The following LRP8 variants were observed in gnomAD, a reference collection of about 807,000 sequenced individuals.
The protein encoded by LRP8 is low-density lipoprotein receptor-related protein 8.
LRP8 carries 46 observed loss-of-function variants against 111.6 expected under a neutral mutation model. That is an observed-to-expected ratio of 0.41 (90% CI 0.33 to 0.53). LRP8 has a LOEUF of 0.53. Ranked by LOEUF, LRP8 falls within the 20% of genes least tolerant of loss-of-function variation. LRP8 has a pLI of 0.20. For missense variants in LRP8, 959 were observed against 1,297.4 expected (o/e 0.74, Z 4.01); for synonymous variants, 464 against 511.2 (o/e 0.91, Z 1.24).
chr1:53,249,502 T>C lies in LRP8; in HGVS notation c.2731A>G (p.Arg911Gly), dbSNP rs776696675. The change falls in exon 18 of 19, where the codon AGA becomes GGA. Residue 911 changes from arginine (R) to glycine (G), a missense_variant. Physicochemically the swap from Arg to Gly is moderately radical, Grantham distance 125. Coordinates refer to ENST00000306052, the MANE Select transcript of LRP8 (RefSeq NM_004631.5). This position sits in a 1 kb window ranked among gnomAD's most constrained non-coding sequence, Gnocchi z 4.1. ...LWAEPCLGET[R>G]EPEDPAPALK... ...GCAGGGGCTGGGTCTTCCGGTTCTC[T>C]GGTCTCCCCAAGACAGGGCTCTGCC... is the stretch of plus-strand genomic sequence containing the variant. 5.0e-6 allele frequency: 8 copies of C among 1,613,162 alleles called. No individual in the cohort carries two copies. The African/African-American group carries it at 1.1e-4, about 22-fold the overall frequency.
intron 2 of LRP8, among the ~76,000 whole-genome samples, chr1:53,322,463 C>T (rs773604398): frequency 4.2e-4 from 64 of 152,136 alleles, no homozygotes; most frequent in Non-Finnish European, 9.0e-4. Context: ...ACACAAAGGC[C>T]TGGAGGTGAG....
At chr1:53,252,263 C>T (rs1436059400) in intron 16 of LRP8, among the ~76,000 whole-genome samples, 1 of 152,100 alleles carries the variant, frequency 6.6e-6, no homozygotes, top group Non-Finnish European at 1.5e-5. Flanking sequence ...GGCACAGTGG[C>T]TCACATATGT....
chr1:53,280,100 G>A (rs1025148080), intron 4 of LRP8, among the ~76,000 whole-genome samples: 1 of 152,198 alleles, frequency 6.6e-6, no homozygotes, highest in African/African-American at 2.4e-5. Context: ...AGCAACAGTC[G>A]TCCTTGACAC....
chr1:53,327,730 C>G lies in LRP8; in HGVS notation c.124+59G>C, dbSNP rs2100562880. ...ACCCCTCCCCGCTCCGGCCTCCCGG[C>G]CGCGCTTTGTTGGTGGCTAGGGCGG... On this transcript the variant is annotated intron_variant, in intron 1 of 18. Transcript: ENST00000306052. The G allele has an allele frequency of 2.1e-6, 3 of 1,397,332 alleles. 1 individual carries two copies. The South Asian group carries it at 4.2e-5, about 20-fold the overall frequency. 86.6% of individuals were successfully genotyped at this position (1,397,332 alleles called of 1,614,324 possible).
chr1:53,309,924 G>T (rs1186232076), intron 2 of LRP8, among the ~76,000 whole-genome samples: 1 of 152,128 alleles, frequency 6.6e-6, no homozygotes, highest in Non-Finnish European at 1.5e-5. Flanking sequence ...GCAGCAGAAA[G>T]GAAGCCCAGC....
chr1:53,298,484 C>T (rs1305243869), intron 2 of LRP8, among the ~76,000 whole-genome samples: 1 of 152,192 alleles, frequency 6.6e-6, no homozygotes, highest in Non-Finnish European at 1.5e-5. Flanking sequence ...AAGATGACCA[C>T]GTTCCTGCCC....
chr1:53,283,303 A>AG (rs570911663), intron 3 of LRP8, among the ~76,000 whole-genome samples: 322 of 152,056 alleles, frequency 2.1e-3, no homozygotes, highest in African/African-American at 7.6e-3. Context: ...TGGACTTCCT[A>AG]CCCTCCAGAA....
rs971327895 is a variant in LRP8, at chr1:53,275,220, G to A, written c.1006+411C>T. ...TGTTATCCATTCCCCAAGATGACTA[G>A]TGAATGAGGGTCCCTGCTCCTGCAG... On this transcript the variant is annotated intron_variant, in intron 6 of 18. Transcript: ENST00000306052. The surrounding 1 kb of genome is among the most constrained non-coding windows in gnomAD (Gnocchi z 4.4). Among the ~76,000 whole-genome samples, 3 of 152,196 alleles carry A rather than the reference G, an allele frequency of 2.0e-5. No individual in the cohort carries two copies. The highest frequency in any genetic ancestry group is 7.2e-5 in the African/African-American group (3 of 41,452).
At chr1:53,304,142 A>G (rs1444838919) in intron 2 of LRP8, among the ~76,000 whole-genome samples, 5 of 152,206 alleles carry the variant, frequency 3.3e-5, no homozygotes, top group Non-Finnish European at 7.3e-5. Context: ...CAGCAGTTCT[A>G]TTAACCTGGG....
At chr1:53,285,430 G>C (rs1647395749) in intron 3 of LRP8, among the ~76,000 whole-genome samples, 3 of 152,126 alleles carry the variant, frequency 2.0e-5, no homozygotes, top group Admixed American at 1.3e-4. Context: ...GAAAGAGCCT[G>C]GGTTTTAGAG....
Position 53,271,363 on chromosome 1 carries a change from G to A in LRP8, c.1007-17C>T. The A allele has an allele frequency of 6.2e-7, 1 of 1,613,930 alleles. No homozygotes were observed. The highest frequency in any genetic ancestry group is 8.5e-7 in the Non-Finnish European group (1 of 1,179,966). ...CGTTCAGCCCTGGGGAGGGACATGG[G>A]CTCCTGAAGGTCCAGGAGCCCAGGA... On this transcript the variant is annotated splice_polypyrimidine_tract_variant and intron_variant, in intron 6 of 18. Coordinates refer to ENST00000306052, the MANE Select transcript of LRP8 (RefSeq NM_004631.5).
chr1:53,257,520 A>T, intron 14 of LRP8, 56 bp from the exon 15 acceptor site: 1 of 1,331,028 alleles, frequency 7.5e-7, no homozygotes, highest in Non-Finnish European at 1.1e-6. Flanking sequence ...TGCCTAAGGT[A>T]TTGCCTCTGA....
chr1:53,280,775 C>A (rs943932841), intron 3 of LRP8, 60 bp from the exon 4 acceptor site: 2 of 1,592,370 alleles, frequency 1.3e-6, no homozygotes, highest in Admixed American at 1.7e-5. Flanking sequence ...ATGGTGCCAA[C>A]CAGTCCTACC....
At chr1:53,297,599 G>A (rs1649996433) in intron 2 of LRP8, among the ~76,000 whole-genome samples, 4 of 152,216 alleles carry the variant, frequency 2.6e-5, no homozygotes, top group Admixed American at 2.0e-4. Context: ...CAGGTGCTGA[G>A]GAGGAGGGAG....
Position 53,260,607 on chromosome 1 carries a change from T to A in LRP8, c.1915-2A>T. ...CAGGTCTGTCCAGAACACCTTGTCC[T>A]GTGGGGTATAGATGCAGAGGATGGG... On this transcript the variant is annotated splice_acceptor_variant, in intron 12 of 18. Transcript: ENST00000306052. LOFTEE classifies it high-confidence loss of function. 2 of 1,613,978 alleles carry A rather than the reference T, an allele frequency of 1.2e-6. No homozygotes were observed. The highest frequency in any genetic ancestry group is 1.7e-6 in the Non-Finnish European group (2 of 1,179,870).
At chr1:53,268,934 T>G (rs1322224920) in intron 8 of LRP8, among the ~76,000 whole-genome samples, 1 of 152,218 alleles carries the variant, frequency 6.6e-6, no homozygotes, top group Non-Finnish European at 1.5e-5. Context: ...TGCAATGACC[T>G]CTTAAGTGGT....
chr1:53,326,729 C>T, intron 2 of LRP8, 144 bp downstream of exon 2: 2 of 1,359,028 alleles, frequency 1.5e-6, no homozygotes, highest in Non-Finnish European at 2.0e-6. Flanking sequence ...AGGCGGTGCC[C>T]AGGCGGTTTC....
intron 2 of LRP8, among the ~76,000 whole-genome samples, chr1:53,320,671 T>C (rs978597614): frequency 6.6e-6 from 1 of 152,180 alleles, no homozygotes; most frequent in African/African-American, 2.4e-5. Flanking sequence ...GTCATCCCCA[T>C]GGGAGCTGGA....
chr1:53,255,279 C>T (rs906596575), intron 15 of LRP8, 94 bp from the exon 16 acceptor site: 2 of 984,406 alleles, frequency 2.0e-6, no homozygotes, highest in African/African-American at 3.2e-5. Flanking sequence ...AACTGCTGCT[C>T]ATCCTCATTC....
Sources: allele counts gnomAD v4.1 joint callset (sites outside exome capture counted in the v4.1 genomes callset), GRCh38; gene constraint gnomAD v4.1.1; non-coding constraint Gnocchi (gnomAD v3.1); transcripts MANE v1.5; gene names NCBI Gene and HGNC (gene_info 2026-07-23, HGNC 2026-07-21).